NTMT2: variants seen among roughly 807,000 people sequenced by gnomAD.
NTMT2 encodes X-Pro-Lys N-terminal protein methyltransferase 1B.
In NTMT2, 21 loss-of-function variants were observed where a neutral mutation model predicts 23.4. That is an observed-to-expected ratio of 0.90 (90% CI 0.64 to 1.29). The LOEUF (loss-of-function observed/expected upper bound fraction) is 1.29. Among genes scored for constraint, NTMT2 ranks in the 50% most tolerant of loss-of-function variants. The pLI, the probability that NTMT2 is intolerant of heterozygous loss-of-function variation, is 0.00. For missense variants in NTMT2, 336 were observed against 352.0 expected (o/e 0.95, Z 0.36); for synonymous variants, 131 against 127.7 (o/e 1.03, Z -0.17).
chr1:170,152,884 C>A, intron 1 of NTMT2, among the ~76,000 whole-genome samples: 1 of 152,166 alleles, frequency 6.6e-6, no homozygotes, highest in East Asian at 1.9e-4. Flanking sequence ...TCATCCAAAT[C>A]TCATGTTGAA....
chr1:170,166,187 G>T (rs1176532681), intron 2 of NTMT2, among the ~76,000 whole-genome samples: 1 of 140,078 alleles, frequency 7.1e-6, no homozygotes, highest in Non-Finnish European at 1.5e-5. Flanking sequence ...TGGCCCAGGC[G>T]GGAGTGCAGT....
chr1:170,164,893 G>C (rs928943594), intron 2 of NTMT2, among the ~76,000 whole-genome samples: 9 of 152,168 alleles, frequency 5.9e-5, no homozygotes, highest in African/African-American at 2.2e-4. Flanking sequence ...AGAGCTTGCT[G>C]TGTATAAATA....
Position 170,151,425 on chromosome 1 carries a change from C to T in NTMT2, c.154+5164C>T, listed in dbSNP as rs185710757. The T allele has an allele frequency of 2.0e-5, 3 of 153,766 alleles. No homozygotes were observed. The East Asian group carries it at 6.1e-4, about 31-fold the overall frequency. 9.5% of individuals were successfully genotyped at this position (153,766 alleles called of 1,614,324 possible). On this transcript the variant is annotated intron_variant, in intron 1 of 3. Transcript: ENST00000439373. ...GATGGCAAAGACATAGATTGTTTAG[C>T]TACCCCTTTGCCATCAAAGTTAAAA... is the stretch of plus-strand genomic sequence containing the variant.
chr1:170,149,556 T>C (rs1673027484), intron 1 of NTMT2, among the ~76,000 whole-genome samples: 1 of 152,178 alleles, frequency 6.6e-6, no homozygotes, highest in African/African-American at 2.4e-5. Flanking sequence ...TCCCGGCACA[T>C]AGGAAAAACA....
intron 1 of NTMT2, among the ~76,000 whole-genome samples, chr1:170,159,854 ATTTTTCT>A (rs1409223835): frequency 2.6e-5 from 4 of 152,198 alleles, no homozygotes; most frequent in Non-Finnish European, 5.9e-5. Flanking sequence ...TGGAACACAT[ATTTTTCT>A]TATACATTTT....
intron 1 of NTMT2, among the ~76,000 whole-genome samples, chr1:170,147,742 C>A (rs1557903803): frequency 6.6e-6 from 1 of 152,136 alleles, no homozygotes; most frequent in Non-Finnish European, 1.5e-5. Flanking sequence ...AGATGACTGT[C>A]AAACTTTAAA....
chr1:170,146,901 C>T (rs579438), intron 1 of NTMT2, among the ~76,000 whole-genome samples: 60,205 of 152,112 alleles, frequency 0.4, 13,979 homozygotes, highest in East Asian at 0.7. Flanking sequence ...TCTGTTTTGC[C>T]TACTCTACTT....
rs369983111 is a variant in NTMT2 at position 170,146,117 on chromosome 1, C to G, written c.10C>G (p.Arg4Gly). ...ATTATCCCCCTTTGTCATGGCCCAC[C>G]GGGGAGCCCATTTTGCCTTTAGATC... is the stretch of plus-strand genomic sequence containing the variant. MAH[R>G]GAHFAFRSRW... Residue 4 changes from arginine to glycine, a missense_variant, in exon 1 of 4, where the codon CGG becomes GGG. Arg to Gly is a moderately radical substitution (Grantham distance 125). Coordinates refer to ENST00000439373, the MANE Select transcript of NTMT2 (RefSeq NM_001136107.2). 6.4e-7 allele frequency: 1 copy of G among 1,551,000 alleles called. No homozygotes were observed. Among genetic ancestry groups the G allele is most frequent in the Non-Finnish European group, 8.7e-7 (1 of 1,146,668 alleles).
At position 170,152,807 on chromosome 1, in the gene NTMT2, T is replaced by C. The variant is rs1203423080; in HGVS notation, c.154+6546T>C. 2.6e-5 allele frequency among the ~76,000 whole-genome samples: 4 copies of C among 152,190 alleles called. No individual in the cohort carries two copies. In the East Asian group the frequency reaches 5.8e-4, roughly 22 times the overall value. On this transcript the variant is annotated intron_variant, in intron 1 of 3. Coordinates refer to ENST00000439373, the MANE Select transcript of NTMT2 (RefSeq NM_001136107.2). ...AAACACCATACTAGGTGTTTTCACA[T>C]GCATTATCTCATTTAATAATCTCAA... is the stretch of plus-strand genomic sequence containing the variant.
At position 170,146,073 on chromosome 1, in the gene NTMT2, T is replaced by G; in HGVS notation, c.-35T>G. On this transcript the variant is annotated 5_prime_UTR_variant, in exon 1 of 4. Coordinates refer to ENST00000439373, the MANE Select transcript of NTMT2 (RefSeq NM_001136107.2). The stretch of plus-strand genomic sequence containing the variant: ...CAAAGAAACAGCAAGGCAAGCTTCC[T>G]TTCTCTGTAGGAATCATTATTATCC... 6.6e-7 allele frequency: 1 copy of G among 1,524,264 alleles called. No individual in the cohort carries two copies. Among genetic ancestry groups the G allele is most frequent in the Non-Finnish European group, 8.8e-7 (1 of 1,134,144 alleles). The allele number at this position is 1,524,264 out of a possible 1,614,324, so 94.4% of individuals were successfully genotyped here.
intron 1 of NTMT2, among the ~76,000 whole-genome samples, chr1:170,156,419 G>A (rs1034835589): frequency 3.9e-5 from 6 of 152,136 alleles, no homozygotes; most frequent in Middle Eastern, 3.4e-3. Context: ...TTCTCCTTCA[G>A]AGTAAACAAA....
rs1408154844 is a variant in NTMT2, at chr1:170,146,170, C to G, written c.63C>G (p.Leu21=). Residue 21 remains leucine, a synonymous_variant, in exon 1 of 4, where the codon CTC becomes CTG. Coordinates refer to ENST00000439373, the MANE Select transcript of NTMT2 (RefSeq NM_001136107.2). ...GCTGGCAGAAGACCGACGATGAACT[C>G]TGTAGACATAGCATGTCTTTTATCC... ...RSRWQKTDDE[L]CRHSMSFILH... is the part of the protein sequence containing the mutation. The G allele has an allele frequency of 6.4e-7, 1 of 1,551,528 alleles. No individual in the cohort carries two copies. The highest frequency in any genetic ancestry group is 2.0e-5 in the Admixed American group (1 of 50,936).
intron 1 of NTMT2, among the ~76,000 whole-genome samples, chr1:170,151,875 C>T (rs532077622): frequency 2.2e-4 from 34 of 151,978 alleles, no homozygotes; most frequent in African/African-American, 6.5e-4. Flanking sequence ...ATAGTCAGTT[C>T]GATATAAATG....
chr1:170,154,303 G>A (rs1189017144), intron 1 of NTMT2, among the ~76,000 whole-genome samples: 1 of 152,140 alleles, frequency 6.6e-6, no homozygotes, highest in Non-Finnish European at 1.5e-5. Flanking sequence ...GAAATGTGGG[G>A]TGAAGTCCCA....
In NTMT2 at chr1:170,167,481, T is replaced by C. The variant is rs1447524271; in HGVS notation, c.581-5T>C. The stretch of plus-strand genomic sequence containing the variant: ...GTTCCCCCATCCACTTGGTCTCCCT[T>C]GTAGGGCACCTGACTGATAAGGACC... On this transcript the variant is annotated splice_region_variant and splice_polypyrimidine_tract_variant and intron_variant, in intron 3 of 3. Coordinates refer to ENST00000439373, the MANE Select transcript of NTMT2 (RefSeq NM_001136107.2). 28 of 1,543,852 alleles carry C rather than the reference T, an allele frequency of 1.8e-5. No individual in the cohort carries two copies. Among genetic ancestry groups the C allele is most frequent in the Non-Finnish European group, 2.4e-5 (27 of 1,142,896 alleles).
At chr1:170,148,204 A>G (rs987363670) in intron 1 of NTMT2, among the ~76,000 whole-genome samples, 1 of 125,806 alleles carries the variant, frequency 7.9e-6, no homozygotes, top group African/African-American at 3.1e-5. Flanking sequence ...GCTGGAGTGC[A>G]GTGGTGCAAT....
chr1:170,159,199 A>G (rs1673220346), intron 1 of NTMT2, among the ~76,000 whole-genome samples: 1 of 152,152 alleles, frequency 6.6e-6, no homozygotes, highest in Non-Finnish European at 1.5e-5. Context: ...GGAGTAAGTG[A>G]CAGTACTTGG....
At chr1:170,166,879 G>A in intron 3 of NTMT2, 128 bp downstream of exon 3, 4 of 937,326 alleles carry the variant, frequency 4.3e-6, no homozygotes, top group Non-Finnish European at 6.3e-6. Flanking sequence ...AGCCTTAGGT[G>A]TCATGTGAAC....
At chr1:170,162,988 G>A (rs1258784155) in intron 2 of NTMT2, among the ~76,000 whole-genome samples, 1 of 152,046 alleles carries the variant, frequency 6.6e-6, no homozygotes, top group Non-Finnish European at 1.5e-5. Flanking sequence ...TGATCCCAAA[G>A]TATTTCAGAA....
Sources: gnomAD v4.1 joint callset for allele counts (sites outside exome capture counted in the v4.1 genomes callset) on GRCh38, gnomAD v4.1.1 for gene constraint, MANE v1.5 for transcripts, NCBI Gene and HGNC (gene_info 2026-07-23, HGNC 2026-07-21) for gene names.